The following SLC25A48 variants were observed in gnomAD, a reference collection of about 807,000 sequenced individuals.
The protein encoded by SLC25A48 is CTC-321K16.1.
A neutral mutation model predicts 32.2 loss-of-function variants in SLC25A48; 29 were observed. The ratio of observed to expected loss-of-function variants is 0.90; its 90% CI spans 0.67 to 1.23. SLC25A48 has a LOEUF of 1.23. SLC25A48 is among the 50% of genes most tolerant of loss of function. SLC25A48 has a pLI of 0.00. For missense variants in SLC25A48, 399 were observed against 422.7 expected (o/e 0.94, Z 0.49); for synonymous variants, 164 against 172.3 (o/e 0.95, Z 0.38).
chr5:135,675,979 T>C (rs1440039329), intron 3 of SLC25A48, among the ~76,000 whole-genome samples: 1 of 151,978 alleles, frequency 6.6e-6, no homozygotes, highest in African/African-American at 2.4e-5. Context: ...ATAAATTGGA[T>C]TGCCTTATTG....
chr5:135,835,135 C>T (rs1413183167), intron 1 of SLC25A48: 1 of 696,274 alleles, frequency 1.4e-6, no homozygotes, highest in East Asian at 2.7e-5. Flanking sequence ...AGTTAGGATC[C>T]GTGGGACTTG....
rs568947744 is a variant in SLC25A48, at chr5:135,846,257, G to T, written c.90+3798G>T. ...TGGAAAAATTGTCTTCCACAAAACT[G>T]GTTCCTGGCGCCAAAAATGTTGGGG... On this transcript the variant is annotated intron_variant, in intron 2 of 7. Coordinates refer to ENST00000681962, the MANE Select transcript of SLC25A48 (RefSeq NM_001349336.2). 2.0e-5 allele frequency among the ~76,000 whole-genome samples: 3 copies of T among 152,288 alleles called. No homozygotes were observed. The South Asian group carries it at 6.2e-4, about 32-fold the overall frequency.
chr5:135,671,344 T>C (rs1307120347), intron 3 of SLC25A48, among the ~76,000 whole-genome samples: 1 of 152,240 alleles, frequency 6.6e-6, no homozygotes, highest in Non-Finnish European at 1.5e-5. Flanking sequence ...AGGCTGGCCA[T>C]GGTGCCCTTG....
intron 1 of SLC25A48, 137 bp downstream of exon 1, chr5:135,835,030 C>T: frequency 9.2e-7 from 1 of 1,086,754 alleles, no homozygotes; most frequent in Non-Finnish European, 1.4e-6. Context: ...TGGGGAGTGC[C>T]CGGCCCCGAG....
At chr5:135,873,726 C>A (rs1761840590) in intron 5 of SLC25A48, among the ~76,000 whole-genome samples, 2 of 152,226 alleles carry the variant, frequency 1.3e-5, no homozygotes, top group African/African-American at 4.8e-5. Context: ...CTGGCACTTG[C>A]TCAATGCTTC....
chr5:135,623,028 T>G (rs948057065), intron 1 of SLC25A48, among the ~76,000 whole-genome samples: 29 of 152,158 alleles, frequency 1.9e-4, no homozygotes, highest in African/African-American at 6.5e-4. Flanking sequence ...TGAGTCAACC[T>G]GCACTGCAGA....
intron 3 of SLC25A48, among the ~76,000 whole-genome samples, chr5:135,737,179 G>A (rs192269562): frequency 2.5e-4 from 38 of 151,918 alleles, no homozygotes; most frequent in Middle Eastern, 3.4e-3. Flanking sequence ...AGGCTGATCC[G>A]AAAAGAGAGT....
At chr5:135,824,199 T>G (rs559160994) in intron 4 of SLC25A48, among the ~76,000 whole-genome samples, 1 of 152,230 alleles carries the variant, frequency 6.6e-6, no homozygotes, top group African/African-American at 2.4e-5. Context: ...TTGGTGTGAC[T>G]TAGGAATGGC....
intron 4 of SLC25A48, among the ~76,000 whole-genome samples, chr5:135,823,903 G>A (rs1471311077): frequency 6.6e-6 from 1 of 152,222 alleles, no homozygotes; most frequent in Non-Finnish European, 1.5e-5. Context: ...GAGAAGGCCT[G>A]TGTGGCTGGA....
chr5:135,800,375 A>T (rs1251975323), intron 3 of SLC25A48, among the ~76,000 whole-genome samples: 1 of 151,878 alleles, frequency 6.6e-6, no homozygotes, highest in Non-Finnish European at 1.5e-5. Context: ...GGTGTTCACC[A>T]TTTCTGTAAT....
At chr5:135,727,913 A>C (rs1161774995) in intron 3 of SLC25A48, among the ~76,000 whole-genome samples, 1 of 152,170 alleles carries the variant, frequency 6.6e-6, no homozygotes, top group East Asian at 1.9e-4. Context: ...CTATATCTAC[A>C]AAATAATTTG....
intron 3 of SLC25A48, among the ~76,000 whole-genome samples, chr5:135,775,499 G>A (rs940352497): frequency 1.3e-5 from 2 of 151,534 alleles, no homozygotes; most frequent in Admixed American, 1.3e-4. Flanking sequence ...TTTATATCCA[G>A]AGAGGAAGAT....
chr5:135,767,540 C>A (rs1180703048), intron 3 of SLC25A48, among the ~76,000 whole-genome samples: 2 of 151,764 alleles, frequency 1.3e-5, no homozygotes, highest in Admixed American at 1.3e-4. Context: ...ATCGTAAACA[C>A]TCTGTGTACA....
chr5:135,603,100 A>G (rs1385308860), intron 1 of SLC25A48, among the ~76,000 whole-genome samples: 1 of 152,192 alleles, frequency 6.6e-6, no homozygotes, highest in Non-Finnish European at 1.5e-5. Context: ...CAAATCAAAT[A>G]GGCTGAGAGG....
chr5:135,663,046 T>A (rs1753441922), intron 3 of SLC25A48, among the ~76,000 whole-genome samples: 1 of 152,178 alleles, frequency 6.6e-6, no homozygotes. Context: ...GTGCTGTGAA[T>A]TAGTCAGTCA....
Position 135,626,025 on chromosome 5 carries a change from A to G in SLC25A48, c.-848-3212A>G, listed in dbSNP as rs73789302. ...GCACCCCCTGTGCTCTCCAAAAGTC[A>G]ACAGCAGGCCCTAAAACCCAGGCTG... On this transcript the variant is annotated intron_variant, in intron 1 of 10. Coordinates refer to the SLC25A48 transcript ENST00000646290. Among the ~76,000 whole-genome samples the G allele has an allele frequency of 9.2e-3, 1,405 of 152,338 alleles. 23 individuals carry two copies. The highest frequency in any genetic ancestry group is 0.032 in the African/African-American group (1,333 of 41,580).
intron 3 of SLC25A48, among the ~76,000 whole-genome samples, chr5:135,807,511 T>A (rs1040555889): frequency 4.6e-5 from 7 of 150,578 alleles, no homozygotes. Context: ...TATTATGGAT[T>A]TATTATTAGT....
At chr5:135,740,442 GCC>G (rs1755475001) in intron 3 of SLC25A48, among the ~76,000 whole-genome samples, 1 of 152,126 alleles carries the variant, frequency 6.6e-6, no homozygotes, top group South Asian at 2.1e-4. Flanking sequence ...TGATCCACCT[GCC>G]TTGGGCGGGG....
At chr5:135,637,442 C>T (rs1752731198) in intron 3 of SLC25A48, among the ~76,000 whole-genome samples, 1 of 152,130 alleles carries the variant, frequency 6.6e-6, no homozygotes, top group Non-Finnish European at 1.5e-5. Flanking sequence ...AAGATGTTAC[C>T]AACTTCAAGA....
Sources: allele counts gnomAD v4.1 joint callset (sites outside exome capture counted in the v4.1 genomes callset), GRCh38; gene constraint gnomAD v4.1.1; transcripts MANE v1.5; gene names NCBI Gene and HGNC (gene_info 2026-07-23, HGNC 2026-07-21).